The following CNBD1 variants were observed in gnomAD, a reference collection of about 807,000 sequenced individuals.
The protein encoded by CNBD1 is cyclic nucleotide binding domain containing 1.
A neutral mutation model predicts 54.4 loss-of-function variants in CNBD1; 71 were observed. The observed-to-expected ratio is 1.30, with a 90% CI of 1.08 to 1.59. The LOEUF (loss-of-function observed/expected upper bound fraction) is 1.59, where lower values mean the gene tolerates loss of function less well. Among genes scored for constraint, CNBD1 ranks in the 40% most tolerant of loss-of-function variants. The probability of loss-of-function intolerance (pLI) is 0.00; values close to 1 mark genes in which losing one functional copy is unlikely to be tolerated. For synonymous variants in CNBD1, 182 were observed against 170.7 expected (o/e 1.07, Z -0.51); for missense variants, 659 against 518.0 (o/e 1.27, Z -2.64).
At chr8:87,388,759 A>G (rs969175618) in intron 2 of CNBD1, among the ~76,000 whole-genome samples, 4 of 152,138 alleles carry the variant, frequency 2.6e-5, no homozygotes, top group Non-Finnish European at 5.9e-5. Context: ...TATGAGGCCT[A>G]CATTATCCTG....
At chr8:87,068,080 T>C (rs1810689828) in intron 4 of CNBD1, among the ~76,000 whole-genome samples, 1 of 152,086 alleles carries the variant, frequency 6.6e-6, no homozygotes, top group Admixed American at 6.6e-5. Context: ...AGTAATCATC[T>C]GTTCTTTCAG....
chr8:87,222,284 T>G (rs1814356814), intron 5 of CNBD1, among the ~76,000 whole-genome samples: 1 of 152,138 alleles, frequency 6.6e-6, no homozygotes, highest in African/African-American at 2.4e-5. Context: ...AGGGGATCAT[T>G]AATTAAGCTT....
intron 3 of CNBD1, among the ~76,000 whole-genome samples, chr8:86,931,940 C>T (rs542731304): frequency 6.6e-6 from 1 of 152,192 alleles, no homozygotes; most frequent in South Asian, 2.1e-4. Context: ...CTACTTAGTC[C>T]TTCTAGAACA....
intron 8 of CNBD1, among the ~76,000 whole-genome samples, chr8:87,340,110 C>T (rs1355492181): frequency 6.6e-6 from 1 of 152,178 alleles, no homozygotes; most frequent in East Asian, 1.9e-4. Context: ...TGTCTGGAAA[C>T]ATCCCTCTCG....
intron 8 of CNBD1, among the ~76,000 whole-genome samples, chr8:87,304,150 G>C (rs28766910): frequency 9.9e-5 from 15 of 151,104 alleles, no homozygotes; most frequent in Non-Finnish European, 1.9e-4. Context: ...ATACCCAAAG[G>C]ACTATAAATC....
intron 2 of CNBD1, among the ~76,000 whole-genome samples, chr8:87,405,088 G>A (rs1302371727): frequency 6.6e-6 from 1 of 152,010 alleles, no homozygotes; most frequent in East Asian, 1.9e-4. Context: ...CATTTGGAAA[G>A]AAAATAAGTG....
intron 4 of CNBD1, among the ~76,000 whole-genome samples, chr8:87,076,722 G>A (rs888793740): frequency 4.0e-5 from 6 of 151,754 alleles, no homozygotes; most frequent in African/African-American, 1.2e-4. Context: ...GATTACAGGC[G>A]TGAGCCACCA....
At chr8:87,014,996 G>C (rs893163873) in intron 4 of CNBD1, among the ~76,000 whole-genome samples, 2 of 152,102 alleles carry the variant, frequency 1.3e-5, no homozygotes, top group Non-Finnish European at 2.9e-5. Context: ...CATTGTGAAT[G>C]ATCTATGTAA....
intron 6 of CNBD1, among the ~76,000 whole-genome samples, chr8:87,276,319 T>C (rs547223345): frequency 1.3e-5 from 2 of 151,846 alleles, no homozygotes; most frequent in Non-Finnish European, 2.9e-5. Flanking sequence ...GGAAAAAATA[T>C]CAAAATGAGA....
At chr8:87,217,346 A>G (rs939677956) in intron 5 of CNBD1, among the ~76,000 whole-genome samples, 2 of 152,056 alleles carry the variant, frequency 1.3e-5, no homozygotes, top group African/African-American at 4.8e-5. Context: ...TTTTGTACCC[A>G]TAAGGGGATA....
At chr8:87,299,558 G>T (rs1260751478) in intron 8 of CNBD1, among the ~76,000 whole-genome samples, 1 of 152,098 alleles carries the variant, frequency 6.6e-6, no homozygotes, top group Admixed American at 6.5e-5. Context: ...AGATCCAAAT[G>T]CATTTCCCAG....
At chr8:87,019,791 TCGCTTGAAC>T (rs1293934605) in intron 4 of CNBD1, among the ~76,000 whole-genome samples, 1 of 152,050 alleles carries the variant, frequency 6.6e-6, no homozygotes, top group African/African-American at 2.4e-5. Flanking sequence ...GGCAGGAGAA[TCGCTTGAAC>T]CCAGGAGGCA....
At chr8:87,000,366 GAATT>G (rs948873248) in intron 4 of CNBD1, among the ~76,000 whole-genome samples, 46 of 152,254 alleles carry the variant, frequency 3.0e-4, no homozygotes, top group African/African-American at 1.1e-3. Context: ...GTGGGACTGT[GAATT>G]AATTAAACCT....
At chr8:87,409,422 C>A (rs193287864) in intron 2 of CNBD1, among the ~76,000 whole-genome samples, 174 of 152,266 alleles carry the variant, frequency 1.1e-3, no homozygotes, top group Non-Finnish European at 1.9e-3. Flanking sequence ...AAGAAGCCAT[C>A]TCCATAACAT....
intron 3 of CNBD1, among the ~76,000 whole-genome samples, chr8:86,917,686 A>G (rs1053371441): frequency 1.3e-5 from 2 of 152,116 alleles, no homozygotes; most frequent in African/African-American, 4.8e-5. Flanking sequence ...TCCTAAGTAG[A>G]TACCAATCCA....
chr8:87,320,749 A>T (rs1809508456), intron 8 of CNBD1, among the ~76,000 whole-genome samples: 1 of 152,054 alleles, frequency 6.6e-6, no homozygotes, highest in Admixed American at 6.6e-5. Context: ...TATCCTAACA[A>T]ATTTTATGTG....
chr8:86,987,266 G>A (rs1240041513), intron 4 of CNBD1, among the ~76,000 whole-genome samples: 1 of 151,822 alleles, frequency 6.6e-6, no homozygotes, highest in Non-Finnish European at 1.5e-5. Flanking sequence ...TTTTCTTTGT[G>A]GTAACTATAA....
intron 8 of CNBD1, among the ~76,000 whole-genome samples, chr8:87,339,193 C>T (rs552749763): frequency 3.0e-4 from 46 of 152,298 alleles, no homozygotes; most frequent in African/African-American, 1.1e-3. Context: ...CCTCCCCTCA[C>T]TGGAAGAACC....
intron 3 of CNBD1, among the ~76,000 whole-genome samples, chr8:86,926,278 G>T (rs752727315): frequency 6.6e-6 from 1 of 152,128 alleles, no homozygotes; most frequent in African/African-American, 2.4e-5. Context: ...CTGGATAGGG[G>T]TGAAGAAGGG....
Sources: allele counts gnomAD v4.1 joint callset (sites outside exome capture counted in the v4.1 genomes callset), GRCh38; gene constraint gnomAD v4.1.1; transcripts MANE v1.5; gene names NCBI Gene and HGNC (gene_info 2026-07-23, HGNC 2026-07-21).